The following KIT variants were observed in gnomAD, a reference collection of about 807,000 sequenced individuals.
KIT encodes the protein KIT proto-oncogene, receptor tyrosine kinase, also known as mast/stem cell growth factor receptor Kit.
Under a neutral mutation model 105.7 loss-of-function variants are expected in KIT, and 16 were observed. The observed-to-expected ratio is 0.15, with a 90% confidence interval of 0.10 to 0.23. The LOEUF is 0.23. KIT is among the 10% of genes least tolerant of loss of function. KIT has a pLI of 1.00. For synonymous variants in KIT, 438 were observed against 441.1 expected (o/e 0.99, Z 0.09); for missense variants, 858 against 1,213.8 (o/e 0.71, Z 4.36).
chr4:54,704,663 A>T (rs1441950306), intron 5 of KIT, among the ~76,000 whole-genome samples: 1 of 152,224 alleles, frequency 6.6e-6, no homozygotes, highest in Non-Finnish European at 1.5e-5. Context: ...TAATAATTTT[A>T]AAATTACTTT....
rs2109820008 is a variant in KIT at position 54,738,585 on chromosome 4, C to T, written c.*28C>T. On this transcript the variant is annotated 3_prime_UTR_variant, in exon 21 of 21. Coordinates refer to ENST00000288135, the MANE Select transcript of KIT (RefSeq NM_000222.3). ...AGAATCAGTGTTTGGGTCACCCCTC[C>T]AGGAATGATCTCTTCTTTTGGCTTC... 1 of 1,612,744 alleles carries T rather than the reference C, an allele frequency of 6.2e-7. No individual in the cohort carries two copies. Among genetic ancestry groups the T allele is most frequent in the Admixed American group, 1.7e-5 (1 of 60,022 alleles).
intron 1 of KIT, among the ~76,000 whole-genome samples, chr4:54,673,575 T>G (rs762764601): frequency 9.9e-5 from 15 of 152,216 alleles, no homozygotes; most frequent in Non-Finnish European, 1.9e-4. Context: ...CTTCTTTCAT[T>G]TAGTTAATTT....
chr4:54,684,420 C>T (rs1164036973), intron 1 of KIT, among the ~76,000 whole-genome samples: 1 of 152,216 alleles, frequency 6.6e-6, no homozygotes, highest in Non-Finnish European at 1.5e-5. Flanking sequence ...ACCTTATGGA[C>T]ACATGCATCA....
At chr4:54,681,265 C>T (rs982294635) in intron 1 of KIT, among the ~76,000 whole-genome samples, 5 of 135,272 alleles carry the variant, frequency 3.7e-5, no homozygotes, top group East Asian at 2.6e-4. Flanking sequence ...TACATATTTA[C>T]GGCAGCGGGG....
intron 1 of KIT, among the ~76,000 whole-genome samples, chr4:54,675,990 C>G (rs901850751): frequency 1.3e-5 from 2 of 152,188 alleles, no homozygotes; most frequent in African/African-American, 4.8e-5. Context: ...CTGTGCCCGA[C>G]TGGCTGCCAA....
intron 1 of KIT, among the ~76,000 whole-genome samples, chr4:54,688,614 C>T (rs1289442739): frequency 6.6e-6 from 1 of 152,198 alleles, no homozygotes; most frequent in East Asian, 1.9e-4. Flanking sequence ...CTGGGCCAGC[C>T]ACTGCTGAAG....
At chr4:54,713,438 T>C (rs565216025) in intron 7 of KIT, among the ~76,000 whole-genome samples, 1 of 152,344 alleles carries the variant, frequency 6.6e-6, no homozygotes, top group East Asian at 1.9e-4. Context: ...TCATTTTAGC[T>C]GAGCCAGTTA....
intron 7 of KIT, among the ~76,000 whole-genome samples, chr4:54,712,836 G>A (rs1331645112): frequency 1.3e-5 from 2 of 152,114 alleles, no homozygotes. Context: ...ATACAGATGA[G>A]GATCATGTTG....
intron 7 of KIT, among the ~76,000 whole-genome samples, chr4:54,714,588 G>A (rs1387250606): frequency 6.6e-6 from 1 of 152,078 alleles, no homozygotes; most frequent in Non-Finnish European, 1.5e-5. Context: ...CATAATTGTA[G>A]AAATAAATTA....
At chr4:54,659,924 C>T (rs575522423) in intron 1 of KIT, among the ~76,000 whole-genome samples, 1 of 152,126 alleles carries the variant, frequency 6.6e-6, no homozygotes, top group African/African-American at 2.4e-5. Flanking sequence ...GCTCTGTCCC[C>T]TGGGTTCTCG....
intron 1 of KIT, among the ~76,000 whole-genome samples, chr4:54,694,065 G>A (rs1459366335): frequency 6.6e-6 from 1 of 152,164 alleles, no homozygotes; most frequent in African/African-American, 2.4e-5. Flanking sequence ...CAGGGTCCCT[G>A]AGGTACGTTC....
At chr4:54,696,204 A>C (rs1269812244) in intron 2 of KIT, among the ~76,000 whole-genome samples, 1 of 152,142 alleles carries the variant, frequency 6.6e-6, no homozygotes, top group Non-Finnish European at 1.5e-5. Context: ...GCCCACTCTT[A>C]AGGAGTAAAT....
chr4:54,667,401 ATGGTCC>A (rs2109555016), intron 1 of KIT, among the ~76,000 whole-genome samples: 1 of 152,340 alleles, frequency 6.6e-6, no homozygotes, highest in South Asian at 2.1e-4. Context: ...CTATAGGAAG[ATGGTCC>A]TGGGTAGGCG....
intron 9 of KIT, among the ~76,000 whole-genome samples, chr4:54,726,405 T>G (rs1393705488): frequency 6.6e-6 from 1 of 152,230 alleles, no homozygotes; most frequent in Non-Finnish European, 1.5e-5. Context: ...AATTAAAAAT[T>G]TCAGTTATTT....
chr4:54,698,641 C>A, intron 3 of KIT, 76 bp downstream of exon 3: 1 of 1,500,416 alleles, frequency 6.7e-7, no homozygotes, highest in Non-Finnish European at 9.3e-7. Flanking sequence ...CTCGTTGATC[C>A]ACCTTAGTGT....
rs1027951341 is a variant in KIT at position 54,663,834 on chromosome 4, T to C, written c.67+5753T>C. Among the ~76,000 whole-genome samples the C allele has an allele frequency of 7.1e-4, 108 of 152,142 alleles. 1 individual carries two copies. Among genetic ancestry groups the C allele is most frequent in the African/African-American group, 2.6e-3 (106 of 41,422 alleles). ...ACAGCGGTTAGTGTTCAGTAAGTATTAGTTTAACATCTTTTCTATTCTCCA... is the reference window on the plus strand; with the variant it reads ...ACAGCGGTTAGTGTTCAGTAAGTATCAGTTTAACATCTTTTCTATTCTCCA... On this transcript the variant is annotated intron_variant, in intron 1 of 20. Coordinates refer to ENST00000288135, the MANE Select transcript of KIT (RefSeq NM_000222.3).
At chr4:54,679,713 G>A (rs1718764530) in intron 1 of KIT, among the ~76,000 whole-genome samples, 1 of 152,176 alleles carries the variant, frequency 6.6e-6, no homozygotes. Flanking sequence ...TTTATAAAAT[G>A]TAGATCATAA....
At chr4:54,725,400 C>T (rs950565013) in intron 8 of KIT, among the ~76,000 whole-genome samples, 45 of 152,138 alleles carry the variant, frequency 3.0e-4, no homozygotes, top group Admixed American at 7.2e-4. Context: ...CTACTGCGCC[C>T]GGCCCCTTGA....
rs1013409269 is a variant in KIT, at chr4:54,739,332, T to C, written c.*775T>C. On this transcript the variant is annotated 3_prime_UTR_variant, in exon 21 of 21. Coordinates refer to ENST00000288135, the MANE Select transcript of KIT (RefSeq NM_000222.3). ...GCATTATGTCCACTGTGTATAGAAG[T>C]AGATTAAGAGCCATATAAGTTTGAA... The C allele has an allele frequency of 8.5e-6, 2 of 235,594 alleles. No homozygotes were observed. Among genetic ancestry groups the C allele is most frequent in the African/African-American group, 4.4e-5 (2 of 45,438 alleles). The allele number at this position is 235,594 out of a possible 1,614,324, so 14.6% of individuals were successfully genotyped here.
Sources: allele counts gnomAD v4.1 joint callset (sites outside exome capture counted in the v4.1 genomes callset), GRCh38; gene constraint gnomAD v4.1.1; transcripts MANE v1.5; gene names NCBI Gene and HGNC (gene_info 2026-07-23, HGNC 2026-07-21).